BTBD9: variants seen among roughly 807,000 people sequenced by gnomAD.
BTBD9 encodes the protein BTB/POZ domain-containing protein 9.
In BTBD9, 49 loss-of-function variants were observed where a neutral mutation model predicts 64.3. The ratio of observed to expected loss-of-function variants is 0.76; its 90% CI spans 0.61 to 0.97. The LOEUF is 0.97. Ranked by LOEUF, BTBD9 falls within the 50% of genes least tolerant of loss-of-function variation. BTBD9 has a pLI of 0.00. For synonymous variants in BTBD9, 260 were observed against 274.7 expected, an observed-to-expected ratio of 0.95 and a Z score of 0.53; for missense variants, 598 against 762.1, an observed-to-expected ratio of 0.78 and a Z score of 2.53.
chr6:38,274,003 G>A (rs1475119582), intron 8 of BTBD9, among the ~76,000 whole-genome samples: 1 of 152,208 alleles, frequency 6.6e-6, no homozygotes, highest in Non-Finnish European at 1.5e-5. Flanking sequence ...AGACTAATCT[G>A]ATCATCATCT....
chr6:38,299,172 C>A (rs1298276007), intron 7 of BTBD9, among the ~76,000 whole-genome samples: 1 of 152,178 alleles, frequency 6.6e-6, no homozygotes, highest in African/African-American at 2.4e-5. Context: ...CATGTCCCCA[C>A]AAAGGACATG....
intron 9 of BTBD9, among the ~76,000 whole-genome samples, chr6:38,237,964 CCT>C (rs1214844365): frequency 6.6e-6 from 1 of 152,010 alleles, no homozygotes; most frequent in Non-Finnish European, 1.5e-5. Flanking sequence ...AAAGAGAGTC[CCT>C]GTCTCTATTT....
At chr6:38,356,584 AT>A (rs1309220867) in intron 6 of BTBD9, among the ~76,000 whole-genome samples, 1 of 151,866 alleles carries the variant, frequency 6.6e-6, no homozygotes, top group Non-Finnish European at 1.5e-5. Context: ...AGATAGCAAC[AT>A]TTTTTTTAAA....
chr6:38,347,259 T>G (rs1294740738), intron 6 of BTBD9, among the ~76,000 whole-genome samples: 4 of 152,204 alleles, frequency 2.6e-5, no homozygotes, highest in Admixed American at 6.5e-5. Flanking sequence ...ACCCTTATGA[T>G]AGTATTTGTG....
At position 38,171,570 on chromosome 6, in the gene BTBD9, GTGTGTGTGTGTGTGTGT is replaced by G. The variant is rs1766763490; in HGVS notation, c.*3398_*3414del. 4.4e-5 allele frequency: 1 copy of G among 22,670 alleles called. No individual in the cohort carries two copies. 1.4% of individuals were successfully genotyped at this position (22,670 alleles called of 1,614,324 possible). ...TGGTAAAACGGGTGTGTGTGTGTGTGTGTGTGTGTGTGTGTGTGTGTGTGTGTGTGTGTGAGAGGGAG... is the reference window on the plus strand; with the variant it reads ...TGGTAAAACGGGTGTGTGTGTGTGTGGTGTGTGTGTGTGTGTGAGAGGGAG... On this transcript the variant is annotated 3_prime_UTR_variant, in exon 11 of 11. Coordinates refer to ENST00000481247, the MANE Select transcript of BTBD9 (RefSeq NM_001099272.2).
chr6:38,481,129 G>A (rs1185525310), intron 6 of BTBD9, among the ~76,000 whole-genome samples: 2 of 151,730 alleles, frequency 1.3e-5, no homozygotes, highest in East Asian at 1.9e-4. Context: ...TTATTCTAAC[G>A]TGAGAGGAGC....
chr6:38,211,530 C>G (rs6915783), intron 9 of BTBD9, among the ~76,000 whole-genome samples: 124,615 of 152,074 alleles, frequency 0.82, 51,156 homozygotes, highest in East Asian at 0.97. Flanking sequence ...ATCACTTGAA[C>G]CCAGGAGTTC....
At chr6:38,386,170 TATTTA>T in intron 6 of BTBD9, among the ~76,000 whole-genome samples, 1 of 152,200 alleles carries the variant, frequency 6.6e-6, no homozygotes, top group Non-Finnish European at 1.5e-5. Flanking sequence ...GAAAATCCTT[TATTTA>T]ATTTTTGTTA....
At position 38,554,696 on chromosome 6, in the gene BTBD9, T is replaced by C. The variant is rs1774942869; in HGVS notation, c.1154+22904A>G. ...TCAAAATCCCCAAAACACTGAATTC[T>C]TGGATACTATCACAACCTTGGGGTA... On this transcript the variant is annotated intron_variant, in intron 6 of 10. Coordinates refer to ENST00000481247, the MANE Select transcript of BTBD9 (RefSeq NM_001099272.2). Among the ~76,000 whole-genome samples the C allele has an allele frequency of 2.6e-5, 4 of 152,192 alleles. No homozygotes were observed. In the South Asian group the frequency reaches 8.3e-4, roughly 32 times the overall value.
At chr6:38,394,049 T>C (rs369298036) in intron 6 of BTBD9, among the ~76,000 whole-genome samples, 58 of 152,276 alleles carry the variant, frequency 3.8e-4, no homozygotes, top group Admixed American at 1.5e-3. Context: ...CACCCATCTA[T>C]ACCTTCCTTC....
intron 7 of BTBD9, among the ~76,000 whole-genome samples, chr6:38,302,114 A>T (rs1442754587): frequency 6.6e-6 from 1 of 152,128 alleles, no homozygotes; most frequent in Non-Finnish European, 1.5e-5. Flanking sequence ...TACATTTAAC[A>T]TTTCTTTGTA....
chr6:38,361,467 C>T (rs142065249), intron 6 of BTBD9, among the ~76,000 whole-genome samples: 88 of 152,106 alleles, frequency 5.8e-4, no homozygotes, highest in African/African-American at 2.0e-3. Flanking sequence ...CACTTGAGCC[C>T]AAGAGTTGGA....
intron 6 of BTBD9, among the ~76,000 whole-genome samples, chr6:38,548,775 T>C (rs988833367): frequency 2.6e-5 from 4 of 152,224 alleles, no homozygotes; most frequent in Admixed American, 2.0e-4. Context: ...AATCTACTTT[T>C]AAACTGTTGT....
chr6:38,630,196 G>A (rs1241477647), intron 1 of BTBD9, among the ~76,000 whole-genome samples: 124 of 132,494 alleles, frequency 9.4e-4, no homozygotes, highest in African/African-American at 3.4e-3. Flanking sequence ...GTGAAATTCC[G>A]TCTCAAAAAA....
intron 8 of BTBD9, among the ~76,000 whole-genome samples, chr6:38,267,677 C>T (rs942466180): frequency 6.6e-5 from 10 of 152,226 alleles, no homozygotes; most frequent in African/African-American, 1.9e-4. Flanking sequence ...CGGTGGCTCA[C>T]GCCTGTAATC....
intron 9 of BTBD9, among the ~76,000 whole-genome samples, chr6:38,232,816 GTCTC>G (rs975892429): frequency 2.0e-5 from 3 of 152,018 alleles, no homozygotes; most frequent in African/African-American, 7.2e-5. Flanking sequence ...TTTTAAATGA[GTCTC>G]TCTGGATCAC....
chr6:38,626,822 G>A (rs955316427), intron 1 of BTBD9, among the ~76,000 whole-genome samples: 7 of 152,042 alleles, frequency 4.6e-5, no homozygotes, highest in African/African-American at 1.7e-4. Context: ...TTAAATGAAG[G>A]CCCTAAAGAA....
At chr6:38,459,533 ATGT>A (rs1457307396) in intron 6 of BTBD9, among the ~76,000 whole-genome samples, 1 of 152,216 alleles carries the variant, frequency 6.6e-6, no homozygotes, top group Non-Finnish European at 1.5e-5. Flanking sequence ...AGGAAGCTAC[ATGT>A]TCCAGATAGT....
chr6:38,259,595 A>G (rs905988383), intron 8 of BTBD9, among the ~76,000 whole-genome samples: 11 of 152,162 alleles, frequency 7.2e-5, no homozygotes, highest in Admixed American at 3.9e-4. Flanking sequence ...ACAAAAGATT[A>G]TTTTGTAGAG....
Sources: allele counts gnomAD v4.1 joint callset (sites outside exome capture counted in the v4.1 genomes callset), GRCh38; gene constraint gnomAD v4.1.1; transcripts MANE v1.5; gene names NCBI Gene and HGNC (gene_info 2026-07-23, HGNC 2026-07-21).